PITHD1: variants seen among roughly 807,000 people sequenced by gnomAD.
PITHD1 encodes PITH domain containing 1.
In PITHD1, 8 loss-of-function variants were observed where a neutral mutation model predicts 27.5. That is an observed-to-expected ratio of 0.29 (90% CI 0.17 to 0.52). The LOEUF (loss-of-function observed/expected upper bound fraction) is 0.52. PITHD1 is among the 20% of genes least tolerant of loss of function. The probability of loss-of-function intolerance (pLI) is 0.96; values close to 1 mark genes in which losing one functional copy is unlikely to be tolerated. For synonymous variants in PITHD1, 118 were observed against 106.8 expected, an observed-to-expected ratio of 1.10 and a Z score of -0.64; for missense variants, 233 against 283.9, an observed-to-expected ratio of 0.82 and a Z score of 1.29.
chr1:23,779,820 A>G (rs1320921114), intron 2 of PITHD1, 44 bp from the exon 3 acceptor site: 1 of 1,447,364 alleles, frequency 6.9e-7, no homozygotes, highest in Non-Finnish European at 9.7e-7. Flanking sequence ...CTAAACAGGT[A>G]TTCAAACTCA....
rs766897327 is a variant in PITHD1, at chr1:23,787,343, T to C, written c.603T>C (p.His201=). 1 of 1,611,502 alleles carries C rather than the reference T, an allele frequency of 6.2e-7. No individual in the cohort carries two copies. Among genetic ancestry groups the C allele is most frequent in the Non-Finnish European group, 8.5e-7 (1 of 1,177,814 alleles). Residue 201 remains histidine (H), a synonymous_variant, in exon 6 of 6, where the codon CAT becomes CAC. Coordinates refer to ENST00000246151, the MANE Select transcript of PITHD1 (RefSeq NM_020362.5). The stretch of plus-strand genomic sequence containing the variant: ...CCAACCCAGCAGACCATAGGGTCCA[T>C]CAGGTTACCCCACAGACACACTTTA... ...ASANPADHRV[H]QVTPQTHFIS
At chr1:23,783,726 A>G (rs1570612632) in intron 3 of PITHD1, among the ~76,000 whole-genome samples, 2 of 152,264 alleles carry the variant, frequency 1.3e-5, no homozygotes, top group East Asian at 3.9e-4. Flanking sequence ...AAGTGCTGGG[A>G]TTACAGGCGT....
intron 1 of PITHD1, 57 bp from the exon 2 acceptor site, chr1:23,779,381 T>C (rs1233512848): frequency 7.2e-7 from 1 of 1,379,626 alleles, no homozygotes; most frequent in African/African-American, 1.4e-5. Context: ...TGCCTGAAAT[T>C]GTAGGCTCTC....
At chr1:23,779,203 G>A (rs1638558790) in intron 1 of PITHD1, among the ~76,000 whole-genome samples, 1 of 152,124 alleles carries the variant, frequency 6.6e-6, no homozygotes, top group Non-Finnish European at 1.5e-5. Context: ...AAGGCTCTTC[G>A]ACCCTGGAAA....
Position 23,785,808 on chromosome 1 carries a change from T to C in PITHD1, c.425+29T>C, listed in dbSNP as rs975010867. 4.1e-6 allele frequency: 5 copies of C among 1,224,062 alleles called. No homozygotes were observed. In the African/African-American group the frequency reaches 5.9e-5, roughly 15 times the overall value. The allele number at this position is 1,224,062 out of a possible 1,614,324, so 75.8% of individuals were successfully genotyped here. On this transcript the variant is annotated intron_variant, in intron 4 of 5. Transcript: ENST00000246151. ...AGCACTGGGCCTGTCTTCCATTCTC[T>C]ATGGCTTCTTATAGGGCTTGCCATT...
intron 3 of PITHD1, 67 bp downstream of exon 3, chr1:23,780,008 C>A: frequency 2.1e-6 from 2 of 961,680 alleles, no homozygotes; most frequent in Non-Finnish European, 3.2e-6. Context: ...CATTTTATTC[C>A]AGAATAGTAT....
At position 23,786,444 on chromosome 1, in the gene PITHD1, T is replaced by A. The variant is rs369898326; in HGVS notation, c.534+21T>A. 439 of 1,248,714 alleles carry A rather than the reference T, an allele frequency of 3.5e-4. 2 individuals are homozygous for A. The highest frequency in any genetic ancestry group is 3.2e-3 in the South Asian group (252 of 79,510). The allele number at this position is 1,248,714 out of a possible 1,614,324, so 77.4% of individuals were successfully genotyped here. The stretch of plus-strand genomic sequence containing the variant: ...CTGAGGTAAGATGGGGTTGGAAAGG[T>A]TTTCCCCTCATGTCTACATATCTGC... On this transcript the variant is annotated intron_variant, in intron 5 of 5. Transcript: ENST00000246151.
At chr1:23,779,749 A>G (rs1404154222) in intron 2 of PITHD1, 115 bp from the exon 3 acceptor site, 3 of 779,712 alleles carry the variant, frequency 3.8e-6, no homozygotes, top group Non-Finnish European at 6.9e-6. Context: ...ATCTAGTACA[A>G]GTTGACAGAT....
chr1:23,782,587 G>A (rs1638618767), intron 3 of PITHD1, among the ~76,000 whole-genome samples: 1 of 152,108 alleles, frequency 6.6e-6, no homozygotes, highest in African/African-American at 2.4e-5. Context: ...GGGCAACAGA[G>A]CAAGGCTTAA....
intron 3 of PITHD1, among the ~76,000 whole-genome samples, chr1:23,784,538 C>T (rs12077830): frequency 6.6e-6 from 1 of 152,228 alleles, no homozygotes; most frequent in South Asian, 2.1e-4. Context: ...CTGCGCCCGG[C>T]GGCTTTCTTA....
chr1:23,782,718 C>G (rs1383961315), intron 3 of PITHD1, among the ~76,000 whole-genome samples: 7 of 152,008 alleles, frequency 4.6e-5, no homozygotes, highest in African/African-American at 1.5e-4. Flanking sequence ...CCTCCCACCG[C>G]AGCCTCCCAA....
chr1:23,781,769 T>C (rs1169107469), intron 3 of PITHD1, among the ~76,000 whole-genome samples: 1 of 152,168 alleles, frequency 6.6e-6, no homozygotes, highest in Non-Finnish European at 1.5e-5. Context: ...TCTCTATGCC[T>C]GGATTTTCTA....
chr1:23,784,196 A>G (rs1570612951), intron 3 of PITHD1, among the ~76,000 whole-genome samples: 1 of 146,356 alleles, frequency 6.8e-6, no homozygotes, highest in Admixed American at 6.8e-5. Context: ...TCTGTGGTGC[A>G]TCATTCTTAG....
Position 23,786,355 on chromosome 1 carries a change from A to G in PITHD1, c.466A>G (p.Ile156Val), listed in dbSNP as rs748473629. The part of the protein sequence containing the change: ...FSNVYHLSIH[I>V]SKNFGADTTK... Reference sequence around the variant, plus strand: ...AAATGTCTATCATCTCTCAATTCATATTTCAAAAAACTTCGGAGCAGATAC... The same window carrying G: ...AAATGTCTATCATCTCTCAATTCATGTTTCAAAAAACTTCGGAGCAGATAC... Residue 156 changes from isoleucine to valine, a missense_variant, in exon 5 of 6, where the codon ATT (isoleucine) becomes GTT (valine). Physicochemically the swap from Ile to Val is conservative, Grantham distance 29 (BLOSUM62 3). Coordinates refer to ENST00000246151, the MANE Select transcript of PITHD1 (RefSeq NM_020362.5). 3 of 1,602,886 alleles carry G rather than the reference A, an allele frequency of 1.9e-6. No individual in the cohort carries two copies. The highest frequency in any genetic ancestry group is 1.7e-5 in the Admixed American group (1 of 59,902).
chr1:23,787,205 G>A lies in PITHD1; in HGVS notation c.535-70G>A, dbSNP rs768236692. 2.1e-4 allele frequency: 191 copies of A among 931,650 alleles called. 1 individual carries two copies. The highest frequency in any genetic ancestry group is 4.3e-4 in the Middle Eastern group (2 of 4,646). 57.7% of individuals were successfully genotyped at this position (931,650 alleles called of 1,614,324 possible). A position where few individuals can be genotyped will look rare whatever the true frequency, so the allele number is the denominator to read the frequency against. ...GAAATGAACCTGAATAAGGACTACC[G>A]CAATGTGTGTGGTGTGGGAAAGGAC... On this transcript the variant is annotated intron_variant, in intron 5 of 5. Coordinates refer to ENST00000246151, the MANE Select transcript of PITHD1 (RefSeq NM_020362.5).
intron 3 of PITHD1, among the ~76,000 whole-genome samples, 175 bp from the exon 4 acceptor site, chr1:23,785,492 CAAAAAAAA>C (rs559942160): frequency 3.3e-5 from 2 of 59,948 alleles, no homozygotes; most frequent in African/African-American, 5.8e-5. Context: ...GACTCTGTCT[CAAAAAAAA>C]AAAAAAAAAA....
chr1:23,787,177 C>A, intron 5 of PITHD1, 98 bp from the exon 6 acceptor site: 1 of 704,024 alleles, frequency 1.4e-6, no homozygotes, highest in South Asian at 1.7e-5. Flanking sequence ...ATGATGACTC[C>A]TAGAAATGAA....
At chr1:23,783,525 C>T (rs563916486) in intron 3 of PITHD1, among the ~76,000 whole-genome samples, 1 of 151,622 alleles carries the variant, frequency 6.6e-6, no homozygotes, top group Non-Finnish European at 1.5e-5. Flanking sequence ...AATCTTGGCT[C>T]ACTGCAACCT....
At chr1:23,786,452 T>C in intron 5 of PITHD1, 29 bp downstream of exon 5, 2 of 1,124,866 alleles carry the variant, frequency 1.8e-6, no homozygotes, top group Non-Finnish European at 2.7e-6. Flanking sequence ...GGTTTTCCCC[T>C]CATGTCTACA....
Sources: allele counts gnomAD v4.1 joint callset (sites outside exome capture counted in the v4.1 genomes callset), GRCh38; gene constraint gnomAD v4.1.1; transcripts MANE v1.5; gene names NCBI Gene and HGNC (gene_info 2026-07-23, HGNC 2026-07-21).